NELL1: variants seen among roughly 807,000 people sequenced by gnomAD.
NELL1 encodes the protein protein kinase C-binding protein NELL1.
NELL1 carries 76 observed loss-of-function variants against 107.4 expected under a neutral mutation model. The ratio of observed to expected loss-of-function variants is 0.71; its 90% CI spans 0.59 to 0.86. NELL1 has a LOEUF of 0.86. Ranked by LOEUF, NELL1 falls within the 40% of genes least tolerant of loss-of-function variation. NELL1 has a pLI of 0.00. For missense variants in NELL1, 1,024 were observed against 1,005.5 expected, an observed-to-expected ratio of 1.02 and a Z score of -0.25; for synonymous variants, 353 against 341.2, an observed-to-expected ratio of 1.03 and a Z score of -0.38.
intron 15 of NELL1, among the ~76,000 whole-genome samples, chr11:21,403,028 A>G (rs998784882): frequency 6.6e-6 from 1 of 151,768 alleles, no homozygotes; most frequent in African/African-American, 2.4e-5. Flanking sequence ...AAAACCATCA[A>G]GTAAAAGGTA....
chr11:21,492,427 C>G, intron 15 of NELL1, among the ~76,000 whole-genome samples: 1 of 152,102 alleles, frequency 6.6e-6, no homozygotes, highest in East Asian at 1.9e-4. Flanking sequence ...AATCATGCTG[C>G]TATAAGGACA....
intron 16 of NELL1, among the ~76,000 whole-genome samples, chr11:21,555,328 T>G (rs1034000482): frequency 4.6e-5 from 7 of 151,780 alleles, no homozygotes; most frequent in Non-Finnish European, 8.8e-5. Context: ...TAAGCAAGGG[T>G]GATGATTTTG....
chr11:20,995,010 G>A (rs1398519769), intron 12 of NELL1, among the ~76,000 whole-genome samples: 1 of 152,164 alleles, frequency 6.6e-6, no homozygotes, highest in Non-Finnish European at 1.5e-5. Flanking sequence ...GGCAACAGGA[G>A]AGATACCCTG....
intron 12 of NELL1, among the ~76,000 whole-genome samples, chr11:20,967,671 A>G (rs899393452): frequency 6.6e-6 from 1 of 151,978 alleles, no homozygotes; most frequent in African/African-American, 2.4e-5. Context: ...CACCACTACC[A>G]CCCTAGACCA....
chr11:20,962,456 C>T (rs1437228481), intron 12 of NELL1, among the ~76,000 whole-genome samples: 10 of 152,130 alleles, frequency 6.6e-5, no homozygotes, highest in Admixed American at 4.6e-4. Context: ...ATCCTGATTA[C>T]GCCACTGGCA....
rs533580954 is a variant in NELL1, at chr11:20,706,890, C to T, written c.184+28830C>T. 1.3e-4 allele frequency among the ~76,000 whole-genome samples: 20 copies of T among 152,072 alleles called. No individual in the cohort carries two copies. In the East Asian group the frequency reaches 3.5e-3, roughly 27 times the overall value. On this transcript the variant is annotated intron_variant, in intron 2 of 19. Coordinates refer to ENST00000357134, the MANE Select transcript of NELL1 (RefSeq NM_006157.5). The stretch of plus-strand genomic sequence containing the variant: ...CTCTTCTCAAGGAGTATCTTTGTGG[C>T]GTTCTCTGTATTTCCTGAATTTGAA...
At chr11:21,524,064 T>C (rs937825941) in intron 15 of NELL1, among the ~76,000 whole-genome samples, 7 of 152,146 alleles carry the variant, frequency 4.6e-5, no homozygotes, top group Admixed American at 6.6e-5. Context: ...TTTGAACATA[T>C]TTTTAATAGT....
intron 15 of NELL1, among the ~76,000 whole-genome samples, chr11:21,412,377 T>G (rs1852400063): frequency 6.6e-6 from 1 of 152,076 alleles, no homozygotes; most frequent in Non-Finnish European, 1.5e-5. Flanking sequence ...GCCTACTAAA[T>G]GCCAGGCAGT....
At chr11:21,328,364 G>T (rs947411227) in intron 14 of NELL1, among the ~76,000 whole-genome samples, 1 of 152,118 alleles carries the variant, frequency 6.6e-6, no homozygotes, top group African/African-American at 2.4e-5. Context: ...GAGCCTGTAG[G>T]TGCACAGAAG....
intron 11 of NELL1, among the ~76,000 whole-genome samples, chr11:20,956,044 C>T (rs745349846): frequency 6.6e-6 from 1 of 151,846 alleles, no homozygotes; most frequent in Non-Finnish European, 1.5e-5. Context: ...CATAGTGAAA[C>T]CCCATCTCTA....
chr11:21,555,575 G>T (rs1453520578), intron 16 of NELL1, among the ~76,000 whole-genome samples: 1 of 151,842 alleles, frequency 6.6e-6, no homozygotes, highest in Admixed American at 6.6e-5. Flanking sequence ...TGCAGAGTAA[G>T]AAAATTATAC....
At chr11:20,947,085 C>T (rs1850977554) in intron 10 of NELL1, among the ~76,000 whole-genome samples, 1 of 152,048 alleles carries the variant, frequency 6.6e-6, no homozygotes, top group Admixed American at 6.6e-5. Flanking sequence ...TGTTAGAATC[C>T]TTCTGCTCCA....
chr11:20,979,988 A>G (rs972373527), intron 12 of NELL1, among the ~76,000 whole-genome samples: 2 of 152,194 alleles, frequency 1.3e-5, no homozygotes, highest in Non-Finnish European at 2.9e-5. Flanking sequence ...CACTGTTGCT[A>G]GTAAAATACT....
intron 2 of NELL1, among the ~76,000 whole-genome samples, chr11:20,716,447 A>C (rs1855252333): frequency 6.6e-6 from 1 of 152,240 alleles, no homozygotes; most frequent in African/African-American, 2.4e-5. Flanking sequence ...GATCTTTAAC[A>C]AAAAATAATT....
chr11:21,567,050 CAT>C (rs1856989140), intron 17 of NELL1, among the ~76,000 whole-genome samples: 1 of 151,794 alleles, frequency 6.6e-6, no homozygotes, highest in Non-Finnish European at 1.5e-5. Flanking sequence ...TATTGAGTCT[CAT>C]AGCCTGTTGT....
In NELL1 at chr11:21,098,334, G is replaced by A. The variant is rs544243754; in HGVS notation, c.1301-15255G>A. On this transcript the variant is annotated intron_variant, in intron 12 of 19. Coordinates refer to ENST00000357134, the MANE Select transcript of NELL1 (RefSeq NM_006157.5). ...CTTGTGACAGTTCCATGCATATTTC[G>A]TACATGTCAGGGTCCTTTATTTTTA... 1.4e-4 allele frequency among the ~76,000 whole-genome samples: 21 copies of A among 152,002 alleles called. No homozygotes were observed. In the South Asian group the frequency reaches 2.9e-3, roughly 21 times the overall value.
In NELL1 at chr11:21,183,167, A is replaced by G. The variant is rs138244968; in HGVS notation, c.1427-46165A>G. On this transcript the variant is annotated intron_variant, in intron 13 of 19. Coordinates refer to ENST00000357134, the MANE Select transcript of NELL1 (RefSeq NM_006157.5). ...TTATGAAAAAATAATGTGCTATTGGAGAATTTTATTACCTCAGTATAATAT... is the reference window on the plus strand; with the variant it reads ...TTATGAAAAAATAATGTGCTATTGGGGAATTTTATTACCTCAGTATAATAT... Among the ~76,000 whole-genome samples the G allele has an allele frequency of 2.9e-3, 437 of 152,040 alleles. 11 individuals are homozygous for G. Among genetic ancestry groups the G allele is most frequent in the African/African-American group, 0.01 (413 of 41,298 alleles).
At chr11:20,941,982 A>G (rs1419664170) in intron 10 of NELL1, among the ~76,000 whole-genome samples, 1 of 152,168 alleles carries the variant, frequency 6.6e-6, no homozygotes, top group Non-Finnish European at 1.5e-5. Flanking sequence ...GACAGAAATC[A>G]CTGTGTCTCA....
intron 2 of NELL1, among the ~76,000 whole-genome samples, chr11:20,704,721 A>G (rs556089221): frequency 1.1e-4 from 16 of 152,128 alleles, no homozygotes; most frequent in Non-Finnish European, 1.9e-4. Context: ...ATCTCTCAGC[A>G]TTTACTTGTC....
Sources: gnomAD v4.1 joint callset for allele counts (sites outside exome capture counted in the v4.1 genomes callset) on GRCh38, gnomAD v4.1.1 for gene constraint, MANE v1.5 for transcripts, NCBI Gene and HGNC (gene_info 2026-07-23, HGNC 2026-07-21) for gene names.